Variants in TLE1 observed in about 807,000 individuals in gnomAD.
TLE1 encodes the protein transducin-like enhancer protein 1.
Under a neutral mutation model 89.8 loss-of-function variants are expected in TLE1, and 21 were observed. That is an observed-to-expected ratio of 0.23 (90% CI 0.17 to 0.34). The LOEUF (loss-of-function observed/expected upper bound fraction) is 0.34, where lower values mean the gene tolerates loss of function less well. Among genes scored for constraint, TLE1 ranks in the 10% least tolerant of loss-of-function variants. The probability of loss-of-function intolerance (pLI) is 1.00; values close to 1 mark genes in which losing one functional copy is unlikely to be tolerated. For synonymous variants in TLE1, 447 were observed against 407.6 expected (o/e 1.10, Z -1.16); for missense variants, 795 against 1,031.2 (o/e 0.77, Z 3.14).
intron 6 of TLE1, among the ~76,000 whole-genome samples, chr9:81,639,581 T>G (rs1030663063): frequency 8.1e-5 from 12 of 148,154 alleles, no homozygotes; most frequent in East Asian, 2.0e-4. Context: ...AGTTGTTTTT[T>G]TTTTTTGTTT....
At chr9:81,624,149 T>A (rs149120533) in intron 8 of TLE1, among the ~76,000 whole-genome samples, 52 of 152,334 alleles carry the variant, frequency 3.4e-4, no homozygotes, top group African/African-American at 1.2e-3. Flanking sequence ...CATTCTAATG[T>A]GACATAATAC....
intron 9 of TLE1, among the ~76,000 whole-genome samples, chr9:81,617,918 C>T (rs543496978): frequency 5.9e-5 from 9 of 151,924 alleles, no homozygotes; most frequent in East Asian, 3.9e-4. Flanking sequence ...CCAGCTACTC[C>T]GGAGGCTGAG....
intron 4 of TLE1, among the ~76,000 whole-genome samples, chr9:81,668,431 A>G (rs529237108): frequency 6.6e-6 from 1 of 152,316 alleles, no homozygotes; most frequent in Non-Finnish European, 1.5e-5. Context: ...GACAGGTGCC[A>G]TGGTGTATGG....
At chr9:81,608,892 G>A (rs1047073428) in intron 14 of TLE1, among the ~76,000 whole-genome samples, 26 of 150,952 alleles carry the variant, frequency 1.7e-4, no homozygotes, top group African/African-American at 5.9e-4. Flanking sequence ...AGCCGAGATC[G>A]CACCACTGCA....
chr9:81,671,613 C>A (rs1041647141), intron 4 of TLE1, among the ~76,000 whole-genome samples: 1 of 151,828 alleles, frequency 6.6e-6, no homozygotes, highest in African/African-American at 2.4e-5. Context: ...CCACTACACT[C>A]CAACCTGGGC....
chr9:81,668,624 T>TG (rs1831810159), intron 4 of TLE1, among the ~76,000 whole-genome samples: 1 of 152,012 alleles, frequency 6.6e-6, no homozygotes, highest in Non-Finnish European at 1.5e-5. Context: ...ACTTTCAGGA[T>TG]GGGAAAAAAA....
chr9:81,594,871 A>G (rs1829994357), intron 14 of TLE1, among the ~76,000 whole-genome samples: 1 of 152,186 alleles, frequency 6.6e-6, no homozygotes, highest in African/African-American at 2.4e-5. Context: ...TAAAACCCAC[A>G]TACATTTGCT....
chr9:81,689,538 C>T lies in TLE1; in HGVS notation c.-1298G>A, dbSNP rs1353954074. ...CCGCCGCCGCCCGCGCCTCTCGCGC[C>T]GCTTACATTAACACGCGGTTTCACA... On this transcript the variant is annotated 5_prime_UTR_variant, in exon 1 of 20. Coordinates refer to ENST00000376499, the MANE Select transcript of TLE1 (RefSeq NM_005077.5). Among the ~76,000 whole-genome samples, 1 of 152,122 alleles carries T rather than the reference C, an allele frequency of 6.6e-6. No homozygotes were observed. The highest frequency in any genetic ancestry group is 1.5e-5 in the Non-Finnish European group (1 of 68,024).
intron 6 of TLE1, among the ~76,000 whole-genome samples, chr9:81,651,619 G>A (rs1829544872): frequency 6.6e-6 from 1 of 152,078 alleles, no homozygotes; most frequent in Admixed American, 6.5e-5. Flanking sequence ...CTATAGGTTC[G>A]AATACCCCAG....
At chr9:81,632,090 C>CAA (rs373883513) in intron 8 of TLE1, among the ~76,000 whole-genome samples, 1 of 142,450 alleles carries the variant, frequency 7.0e-6, no homozygotes, top group African/African-American at 2.6e-5. Context: ...GACTCCATCT[C>CAA]AAAAAAAAAA....
intron 14 of TLE1, among the ~76,000 whole-genome samples, chr9:81,603,119 C>T (rs140495247): frequency 6.6e-6 from 1 of 152,194 alleles, no homozygotes; most frequent in African/African-American, 2.4e-5. Context: ...GCTCTCTCCA[C>T]CTAGAGGTTC....
In TLE1 at chr9:81,613,620, T is replaced by C. The variant is rs537750454; in HGVS notation, c.919-99A>G. The C allele has an allele frequency of 1.1e-5, 15 of 1,388,974 alleles. No individual in the cohort carries two copies. The African/African-American group carries it at 2.1e-4, about 20-fold the overall frequency. 86.0% of individuals were successfully genotyped at this position (1,388,974 alleles called of 1,614,324 possible). A position where few individuals can be genotyped will look rare whatever the true frequency, so the allele number is the denominator to read the frequency against. ...GCTGGGACACTGGGCACCTTCTAGC[T>C]ACTCCCTCAGCCAATTTTCATAAAT... On this transcript the variant is annotated intron_variant, in intron 11 of 19. Transcript: ENST00000376499.
At chr9:81,619,934 G>A (rs1587996563) in intron 9 of TLE1, among the ~76,000 whole-genome samples, 1 of 152,216 alleles carries the variant, frequency 6.6e-6, no homozygotes, top group East Asian at 1.9e-4. Flanking sequence ...AAGACATTGA[G>A]CTCTGCCTTG....
intron 14 of TLE1, among the ~76,000 whole-genome samples, chr9:81,594,911 C>T (rs1829997064): frequency 6.6e-6 from 1 of 152,208 alleles, no homozygotes; most frequent in South Asian, 2.1e-4. Flanking sequence ...ATTATCTTCC[C>T]TCCATAAAAG....
chr9:81,602,596 T>C (rs1831082768), intron 14 of TLE1, among the ~76,000 whole-genome samples: 3 of 152,168 alleles, frequency 2.0e-5, no homozygotes, highest in Admixed American at 1.3e-4. Flanking sequence ...GTGGCTCATG[T>C]CGGTACTCAA....
chr9:81,611,020 G>A (rs1021484861), intron 13 of TLE1, among the ~76,000 whole-genome samples: 4 of 152,182 alleles, frequency 2.6e-5, no homozygotes, highest in African/African-American at 9.6e-5. Flanking sequence ...AACTAGTGGA[G>A]GTAATGCTAT....
At chr9:81,635,699 T>C (rs1037229543) in intron 6 of TLE1, among the ~76,000 whole-genome samples, 1 of 152,208 alleles carries the variant, frequency 6.6e-6, no homozygotes, top group African/African-American at 2.4e-5. Flanking sequence ...ACATATTAAA[T>C]CTTCATGCCA....
intron 4 of TLE1, among the ~76,000 whole-genome samples, chr9:81,683,071 C>T (rs554600000): frequency 6.6e-6 from 1 of 152,296 alleles, no homozygotes; most frequent in African/African-American, 2.4e-5. Flanking sequence ...AACTTCCAGA[C>T]AGGAAAGTCA....
chr9:81,640,996 A>T (rs1828040493), intron 6 of TLE1, among the ~76,000 whole-genome samples: 1 of 152,164 alleles, frequency 6.6e-6, no homozygotes. Context: ...AACCCAACCC[A>T]AACTAAAACC....
Sources: allele counts gnomAD v4.1 joint callset (sites outside exome capture counted in the v4.1 genomes callset), GRCh38; gene constraint gnomAD v4.1.1; transcripts MANE v1.5; gene names NCBI Gene and HGNC (gene_info 2026-07-23, HGNC 2026-07-21).